Variants in SPIDR observed in about 807,000 individuals in gnomAD.
The protein encoded by SPIDR is DNA repair-scaffolding protein.
SPIDR carries 93 observed loss-of-function variants against 104.6 expected under a neutral mutation model. That is an observed-to-expected ratio of 0.89 (90% confidence interval 0.75 to 1.06). The LOEUF (loss-of-function observed/expected upper bound fraction) is 1.06, where lower values mean the gene tolerates loss of function less well. Ranked by LOEUF, SPIDR falls within the 50% of genes least tolerant of loss-of-function variation. SPIDR has a pLI of 0.00. For synonymous variants in SPIDR, 431 were observed against 416.9 expected (o/e 1.03, Z -0.41); for missense variants, 1,154 against 1,111.2 (o/e 1.04, Z -0.55).
chr8:47,355,016 A>G (rs890912595), intron 5 of SPIDR, among the ~76,000 whole-genome samples: 1 of 149,910 alleles, frequency 6.7e-6, no homozygotes, highest in South Asian at 2.1e-4. Flanking sequence ...AGTGCAGTGA[A>G]GCGATCTCGG....
intron 12 of SPIDR, among the ~76,000 whole-genome samples, chr8:47,701,233 G>A (rs1464371966): frequency 6.6e-6 from 1 of 152,248 alleles, no homozygotes; most frequent in African/African-American, 2.4e-5. Context: ...GGGAGTTCAA[G>A]ATCAGCCTGA....
At position 47,279,979 on chromosome 8, in the gene SPIDR, A is replaced by C; in HGVS notation, c.151A>C (p.Arg51=). The change falls in exon 2 of 20, where the codon AGG becomes CGG. Residue 51 remains arginine (R), a synonymous_variant. Coordinates refer to ENST00000297423, the MANE Select transcript of SPIDR (RefSeq NM_001080394.4). The part of the protein sequence containing the change: ...AAASLSEAWL[R]CGEGFQNTSG... ...TGCCTCTCTCTCTGAAGCATGGCTC[A>C]GGTGTGGAGAAGGGTTTCAGAACAC... 6.2e-7 allele frequency: 1 copy of C among 1,614,188 alleles called. No individual in the cohort carries two copies.
At chr8:47,269,047 G>A (rs2034695749) in intron 1 of SPIDR, among the ~76,000 whole-genome samples, 1 of 151,906 alleles carries the variant, frequency 6.6e-6, no homozygotes, top group South Asian at 2.1e-4. Context: ...CATGCCTGTG[G>A]TCCCAGCTAC....
rs549287651 is a variant in SPIDR, at chr8:47,332,929, A to T, written c.525+38899A>T. On this transcript the variant is annotated intron_variant, in intron 5 of 19. Coordinates refer to ENST00000297423, the MANE Select transcript of SPIDR (RefSeq NM_001080394.4). ...TTTGTCAGATGAGTAGGTTGCAAAA[A>T]TTTTCTCCCATGTTGTAGGTTGCCT... 2.7e-4 allele frequency among the ~76,000 whole-genome samples: 39 copies of T among 142,832 alleles called. No individual in the cohort carries two copies. The East Asian group carries it at 4.8e-3, about 18-fold the overall frequency. 93.7% of individuals were successfully genotyped at this position (142,832 alleles called of 152,430 possible).
chr8:47,272,762 G>T (rs761619052), intron 1 of SPIDR, among the ~76,000 whole-genome samples: 1 of 151,904 alleles, frequency 6.6e-6, no homozygotes, highest in Non-Finnish European at 1.5e-5. Context: ...TTAGGCATGC[G>T]GACACATTGA....
chr8:47,323,988 C>G (rs1322157978), intron 5 of SPIDR, among the ~76,000 whole-genome samples: 1 of 152,036 alleles, frequency 6.6e-6, no homozygotes, highest in Non-Finnish European at 1.5e-5. Context: ...GTTTATTGGT[C>G]TTAGTTAATA....
intron 8 of SPIDR, among the ~76,000 whole-genome samples, chr8:47,554,941 G>A (rs1275205284): frequency 6.6e-6 from 1 of 152,320 alleles, no homozygotes; most frequent in South Asian, 2.1e-4. Context: ...CAGGTGGCCT[G>A]TAAGTTTGAT....
At chr8:47,508,447 A>G (rs1472307635) in intron 8 of SPIDR, among the ~76,000 whole-genome samples, 1 of 152,192 alleles carries the variant, frequency 6.6e-6, no homozygotes. Flanking sequence ...TCAAAGACCT[A>G]TGTGTCTTCT....
intron 10 of SPIDR, among the ~76,000 whole-genome samples, chr8:47,630,230 G>T (rs1426823759): frequency 6.6e-6 from 1 of 152,132 alleles, no homozygotes; most frequent in African/African-American, 2.4e-5. Context: ...GTTCACAAGT[G>T]AAAGAAGGAA....
At chr8:47,566,554 A>G (rs1487407001) in intron 8 of SPIDR, among the ~76,000 whole-genome samples, 1 of 152,074 alleles carries the variant, frequency 6.6e-6, no homozygotes, top group African/African-American at 2.4e-5. Flanking sequence ...CTCCTGGGAA[A>G]GAGATTTCAT....
chr8:47,571,756 G>A (rs1202087171), intron 8 of SPIDR, among the ~76,000 whole-genome samples: 1 of 151,998 alleles, frequency 6.6e-6, no homozygotes, highest in African/African-American at 2.4e-5. Context: ...TTATAAATAA[G>A]GCAAAGTAAA....
intron 10 of SPIDR, among the ~76,000 whole-genome samples, chr8:47,624,833 T>C (rs1485283027): frequency 6.6e-6 from 1 of 152,148 alleles, no homozygotes; most frequent in Non-Finnish European, 1.5e-5. Context: ...TACCATTCCT[T>C]CTGAAACTAT....
intron 8 of SPIDR, among the ~76,000 whole-genome samples, chr8:47,487,768 C>G (rs1471994555): frequency 2.0e-5 from 3 of 152,014 alleles, no homozygotes; most frequent in Non-Finnish European, 4.4e-5. Flanking sequence ...GGGTACATAA[C>G]GAAATGAAGG....
At chr8:47,567,282 C>T (rs538020012) in intron 8 of SPIDR, among the ~76,000 whole-genome samples, 3 of 151,476 alleles carry the variant, frequency 2.0e-5, no homozygotes, top group Non-Finnish European at 4.4e-5. Context: ...TGCAATGGTG[C>T]GATCTCGGCT....
intron 10 of SPIDR, among the ~76,000 whole-genome samples, chr8:47,658,538 T>C (rs2073377833): frequency 7.4e-6 from 1 of 135,216 alleles, no homozygotes; most frequent in Non-Finnish European, 1.6e-5. Flanking sequence ...CAGCAGGGTT[T>C]TGTTACTGTT....
rs936366022 is a variant in SPIDR at position 47,498,024 on chromosome 8, G to A, written c.1097+57482G>A. On this transcript the variant is annotated intron_variant, in intron 8 of 19. Transcript: ENST00000297423. ...TATTTAGAGGTACCCAAAGAGGAGC[G>A]GGTAAGCAAGGTGAGCACTGCTTTC... Among the ~76,000 whole-genome samples the A allele has an allele frequency of 4.6e-5, 7 of 152,122 alleles. No individual in the cohort carries two copies. The East Asian group carries it at 5.8e-4, about 13-fold the overall frequency.
chr8:47,518,729 C>T (rs919621344), intron 8 of SPIDR, among the ~76,000 whole-genome samples: 28 of 151,546 alleles, frequency 1.8e-4, no homozygotes, highest in Admixed American at 6.6e-4. Context: ...CTCTGCCTCC[C>T]GAGTTCACGC....
At chr8:47,495,493 G>A (rs887404744) in intron 8 of SPIDR, among the ~76,000 whole-genome samples, 3 of 151,864 alleles carry the variant, frequency 2.0e-5, no homozygotes, top group African/African-American at 7.3e-5. Context: ...CCATGAGAAT[G>A]TTTTCATTAC....
rs1444773544 is a variant in SPIDR at position 47,735,799 on chromosome 8, T to C, written c.*349T>C. ...TAACAAGTTGAACATTTTACCATGA[T>C]TGAACATGTTTTTATTACAGTATTT... On this transcript the variant is annotated 3_prime_UTR_variant, in exon 20 of 20. Coordinates refer to ENST00000297423, the MANE Select transcript of SPIDR (RefSeq NM_001080394.4). 3 of 461,536 alleles carry C rather than the reference T, an allele frequency of 6.5e-6. No individual in the cohort carries two copies. The highest frequency in any genetic ancestry group is 1.2e-5 in the Non-Finnish European group (3 of 257,826). The allele number at this position is 461,536 out of a possible 1,614,324, so 28.6% of individuals were successfully genotyped here.
Sources: gnomAD v4.1 joint callset for allele counts (sites outside exome capture counted in the v4.1 genomes callset) on GRCh38, gnomAD v4.1.1 for gene constraint, MANE v1.5 for transcripts, NCBI Gene and HGNC (gene_info 2026-07-23, HGNC 2026-07-21) for gene names.